The following FAM98C variants were observed in gnomAD, a reference collection of about 807,000 sequenced individuals.
The protein encoded by FAM98C is tRNA splicing ligase complex subunit 3C, also known as protein FAM98C.
A neutral mutation model predicts 41.1 loss-of-function variants in FAM98C; 38 were observed. That is an observed-to-expected ratio of 0.92 (90% CI 0.71 to 1.21). The LOEUF (loss-of-function observed/expected upper bound fraction) is 1.21. Ranked by LOEUF, FAM98C falls within the 50% of genes most tolerant of loss-of-function variation. The probability of loss-of-function intolerance (pLI) is 0.00; values close to 1 mark genes in which losing one functional copy is unlikely to be tolerated. For missense variants in FAM98C, 493 were observed against 484.7 expected (o/e 1.02, Z -0.16); for synonymous variants, 195 against 216.7 (o/e 0.90, Z 0.88).
At position 38,409,065 on chromosome 19, in the gene FAM98C, A is replaced by G. The variant is rs1971105841; in HGVS notation, c.*183A>G. On this transcript the variant is annotated 3_prime_UTR_variant, in exon 8 of 8. Coordinates refer to ENST00000252530, the MANE Select transcript of FAM98C (RefSeq NM_174905.4). Reference sequence around the variant, plus strand: ...ATACCAAGAACCATGTTCTCCAGAGAATAAATTTAATTTATGACAGCTGTA... The same window carrying G: ...ATACCAAGAACCATGTTCTCCAGAGGATAAATTTAATTTATGACAGCTGTA... The G allele has an allele frequency of 1.8e-6, 1 of 543,714 alleles. No homozygotes were observed. The highest frequency in any genetic ancestry group is 3.5e-5 in the East Asian group (1 of 28,636). 33.7% of individuals were successfully genotyped at this position (543,714 alleles called of 1,614,324 possible). A position where few individuals can be genotyped will look rare whatever the true frequency, so the allele number is the denominator to read the frequency against.
At chr19:38,408,065 G>A (rs2145179316) in intron 7 of FAM98C, 1 of 152,142 alleles carries the variant, frequency 6.6e-6, no homozygotes, top group Middle Eastern at 3.4e-3. Context: ...TCTGTAAGTA[G>A]TCTTATGTAA....
rs753300754 is a variant in FAM98C at position 38,407,017 on chromosome 19, T to A, written c.858T>A (p.Ser286=). 3 of 1,614,178 alleles carry A rather than the reference T, an allele frequency of 1.9e-6. No individual in the cohort carries two copies. The highest frequency in any genetic ancestry group is 2.5e-6 in the Non-Finnish European group (3 of 1,180,038). Residue 286 remains serine (S), a synonymous_variant, in exon 7 of 8, where the codon TCT becomes TCA. Coordinates refer to ENST00000252530, the MANE Select transcript of FAM98C (RefSeq NM_174905.4). Reference sequence around the variant, plus strand: ...TTCTGGCTGCCCGAGCCGACCTGTCTTGTCTCGTCCCAGCCACCAGCGTGG... The same window carrying A: ...TTCTGGCTGCCCGAGCCGACCTGTCATGTCTCGTCCCAGCCACCAGCGTGG... ...AHVLAARADL[S]CLVPATSVAV...
At chr19:38,406,701 C>CT in intron 6 of FAM98C, 1 of 528,794 alleles carries the variant, frequency 1.9e-6, no homozygotes, top group East Asian at 3.0e-5. Context: ...AGGAGGATCA[C>CT]TTGAGCCCAG....
chr19:38,403,678 C>T lies in FAM98C; in HGVS notation c.333C>T (p.Ala111=), dbSNP rs746966994. 2 of 1,413,328 alleles carry T rather than the reference C, an allele frequency of 1.4e-6. No homozygotes were observed. Among genetic ancestry groups the T allele is most frequent in the Non-Finnish European group, 9.1e-7 (1 of 1,093,382 alleles). The allele number at this position is 1,413,328 out of a possible 1,614,324, so 87.5% of individuals were successfully genotyped here. Residue 111 remains alanine, a synonymous_variant, in exon 3 of 8, where the codon GCC becomes GCT. Transcript: ENST00000252530. ...CGGCTGCGCTTCGGGAACCCGGTGC[C>T]GGACTGCGCCTGCTGCGTGAGTCCC... ...DGAAALREPG[A]GLRLLRFLCS...
chr19:38,405,052 G>A lies in FAM98C; in HGVS notation c.494G>A (p.Gly165Glu). Residue 165 changes from glycine (G) to glutamate (E), a missense_variant, in exon 4 of 8, where the codon GGG (glycine) becomes GAG (glutamate). By Grantham distance (98) the Gly-to-Glu change is moderately conservative. Coordinates refer to ENST00000252530, the MANE Select transcript of FAM98C (RefSeq NM_174905.4). ...QELDLTLQAL[G>E]LPRPAPGTPA... is the part of the protein sequence containing the mutation. ...CTGGACCTTACCCTCCAAGCCCTGGGGCTGCCCAGACCTGCACCAGGGACC... is the reference window on the plus strand; with the variant it reads ...CTGGACCTTACCCTCCAAGCCCTGGAGCTGCCCAGACCTGCACCAGGGACC... 6.2e-7 allele frequency: 1 copy of A among 1,614,050 alleles called. No individual in the cohort carries two copies. Among genetic ancestry groups the A allele is most frequent in the Non-Finnish European group, 8.5e-7 (1 of 1,179,988 alleles).
At chr19:38,407,636 TGG>T (rs1971063495) in intron 7 of FAM98C, 2 of 151,846 alleles carry the variant, frequency 1.3e-5, no homozygotes, top group Admixed American at 6.5e-5. Flanking sequence ...CCTAAAGTGC[TGG>T]GATTACAGGT....
chr19:38,405,493 C>G (rs1971026155), intron 5 of FAM98C, 26 bp from the exon 6 acceptor site: 7 of 1,613,996 alleles, frequency 4.3e-6, no homozygotes, highest in South Asian at 1.1e-5. Flanking sequence ...GGACCCCTAG[C>G]CTGACCTTGA....
intron 6 of FAM98C, chr19:38,405,858 C>CGTTTTTTTTT (rs768707631): frequency 2.1e-6 from 1 of 480,712 alleles, no homozygotes; most frequent in African/African-American, 2.0e-5. Context: ...CATACCCCAT[C>CGTTTTTTTTT]ATTTTTTTTT....
intron 2 of FAM98C, 31 bp downstream of exon 2, chr19:38,403,517 G>A: frequency 7.0e-7 from 1 of 1,422,884 alleles, no homozygotes; most frequent in Non-Finnish European, 9.1e-7. Context: ...TGGCAGGGGG[G>A]CCGCCACGGG....
At chr19:38,407,194 C>A (rs1971052807) in intron 7 of FAM98C, 117 bp downstream of exon 7, 2 of 1,242,164 alleles carry the variant, frequency 1.6e-6, no homozygotes, top group African/African-American at 1.5e-5. Flanking sequence ...CTAGACATGG[C>A]AGCTAGAAGG....
chr19:38,403,788 T>G (rs1971001152), intron 3 of FAM98C, 94 bp downstream of exon 3: 7 of 1,329,480 alleles, frequency 5.3e-6, no homozygotes, highest in Non-Finnish European at 5.7e-6. Flanking sequence ...AGGGGTGTGG[T>G]CAGAACTTTG....
Position 38,403,494 on chromosome 19 carries a change from C to T in FAM98C, c.214+8C>T. ...TGCTGAGCGCCGGCGACGGTAAACACGGAGCGGGAGGGTGGCAGGGGGGCC... is the reference window on the plus strand; with the variant it reads ...TGCTGAGCGCCGGCGACGGTAAACATGGAGCGGGAGGGTGGCAGGGGGGCC... On this transcript the variant is annotated splice_region_variant and intron_variant, in intron 2 of 7. Coordinates refer to ENST00000252530, the MANE Select transcript of FAM98C (RefSeq NM_174905.4). The T allele has an allele frequency of 1.4e-6, 2 of 1,409,460 alleles. No homozygotes were observed. The highest frequency in any genetic ancestry group is 1.8e-6 in the Non-Finnish European group (2 of 1,091,856). The allele number at this position is 1,409,460 out of a possible 1,614,324, so 87.3% of individuals were successfully genotyped here.
rs1971051003 is a variant in FAM98C at position 38,407,084 on chromosome 19, A to C, written c.918+7A>C. On this transcript the variant is annotated splice_region_variant and intron_variant, in intron 7 of 7. Coordinates refer to ENST00000252530, the MANE Select transcript of FAM98C (RefSeq NM_174905.4). ...CTGCTGTGCCATCAACAAGGTGGGC[A>C]TCTGGGGTAGGGAAGGGCCCTGGCA... 1.9e-6 allele frequency: 3 copies of C among 1,612,214 alleles called. No individual in the cohort carries two copies. The highest frequency in any genetic ancestry group is 1.7e-5 in the Admixed American group (1 of 60,004).
intron 7 of FAM98C, 179 bp downstream of exon 7, chr19:38,407,256 G>A (rs190912620): frequency 1.1e-5 from 7 of 640,724 alleles, no homozygotes; most frequent in Admixed American, 5.9e-5. Context: ...GAATGCTTCC[G>A]TGGCTCCCTA....
At chr19:38,404,315 C>T (rs1446148010) in intron 3 of FAM98C, among the ~76,000 whole-genome samples, 2 of 152,000 alleles carry the variant, frequency 1.3e-5, no homozygotes, top group Non-Finnish European at 2.9e-5. Context: ...CAAGGTGGGG[C>T]TTACTCTGGA....
rs1446461267 is a variant in FAM98C, at chr19:38,408,849, G to A, written c.1017G>A (p.Gln339=). 6.3e-7 allele frequency: 1 copy of A among 1,593,160 alleles called. No individual in the cohort carries two copies. The stretch of plus-strand genomic sequence containing the variant: ...GCCGAAGAGAGGATGGAGGCCCCCA[G>A]TGTTGGGGTCGCAAGAAGAAGAAGA... ...WRSRREDGGP[Q]CWGRKKKKKK The change falls in exon 8 of 8, where the codon CAG becomes CAA. Residue 339 remains glutamine, a synonymous_variant. Coordinates refer to ENST00000252530, the MANE Select transcript of FAM98C (RefSeq NM_174905.4).
rs1209501382 is a variant in FAM98C at position 38,408,774 on chromosome 19, CCGGGGGGG to C, written c.944_951del (p.Arg315ProfsTer4). On this transcript the variant is annotated frameshift_variant, in exon 8 of 8. Transcript: ENST00000252530. LOFTEE classifies it high-confidence loss of function. ...AGGTGCTTATGGGCAACGTTCCAGA[CCGGGGGGG>C]CCGCCCAAATGAGCTGGAGCCTCCC... The C allele has an allele frequency of 3.1e-6, 5 of 1,613,882 alleles. No individual in the cohort carries two copies. The African/African-American group carries it at 6.7e-5, about 22-fold the overall frequency.
chr19:38,408,632 G>A, intron 7 of FAM98C, 119 bp from the exon 8 acceptor site: 1 of 1,332,324 alleles, frequency 7.5e-7, no homozygotes, highest in East Asian at 2.3e-5. Flanking sequence ...CCCAGCCACT[G>A]TACTCAAATA....
At chr19:38,406,634 A>T in intron 6 of FAM98C, 1 of 334,024 alleles carries the variant, frequency 3.0e-6, no homozygotes, top group Non-Finnish European at 5.5e-6. Context: ...AAAAAAAAAA[A>T]TTAGCTGGGC....
Sources: allele counts gnomAD v4.1 joint callset (sites outside exome capture counted in the v4.1 genomes callset), GRCh38; gene constraint gnomAD v4.1.1; transcripts MANE v1.5; gene names NCBI Gene and HGNC (gene_info 2026-07-23, HGNC 2026-07-21).